MELTF: variants seen among roughly 807,000 people sequenced by gnomAD.
The protein encoded by MELTF is antigen p97 (melanoma associated) identified by monoclonal antibodies 133.2 and 96.5.
In MELTF, 67 loss-of-function variants were observed where a neutral mutation model predicts 83.7. That is an observed-to-expected ratio of 0.80 (90% CI 0.66 to 0.98). MELTF has a LOEUF of 0.98. Ranked by LOEUF, MELTF falls within the 50% of genes least tolerant of loss-of-function variation. MELTF has a pLI of 0.00. For synonymous variants in MELTF, 462 were observed against 447.6 expected, an observed-to-expected ratio of 1.03 and a Z score of -0.41; for missense variants, 1,002 against 1,035.6, an observed-to-expected ratio of 0.97 and a Z score of 0.44.
In MELTF at chr3:197,016,422, C is replaced by G. The variant is rs970671984; in HGVS notation, c.901-53G>C. ...TGGTGAGGGTGCTGACAGGCCATAT[C>G]CTTCCCTCCCACTTTGGCCCCTACC... On this transcript the variant is annotated intron_variant, in intron 7 of 15. Transcript: ENST00000296350. 5 of 1,411,044 alleles carry G rather than the reference C, an allele frequency of 3.5e-6. No homozygotes were observed. The African/African-American group carries it at 5.9e-5, about 17-fold the overall frequency. The allele number at this position is 1,411,044 out of a possible 1,614,324, so 87.4% of individuals were successfully genotyped here.
In MELTF at chr3:197,029,693, G is replaced by T; in HGVS notation, c.10C>A (p.Pro4Thr). ...AGGAGCAGCCACAGAGCCCCGCTCG[G>T]ACCCCGCATGGCGCCGTCGGGGCTG... MRG[P>T]SGALWLLLAL... is the part of the protein sequence containing the mutation. Residue 4 changes from proline to threonine, a missense_variant, in exon 1 of 16, where the codon CCG becomes ACG. Physicochemically the swap from Pro to Thr is conservative, Grantham distance 38. Transcript: ENST00000296350. The surrounding 1 kb of genome is among the most constrained non-coding windows in gnomAD (Gnocchi z 6.5). 1 of 1,243,010 alleles carries T rather than the reference G, an allele frequency of 8.0e-7. No homozygotes were observed. Among genetic ancestry groups the T allele is most frequent in the South Asian group, 3.9e-5 (1 of 25,964 alleles). 77.0% of individuals were successfully genotyped at this position (1,243,010 alleles called of 1,614,324 possible). A position where few individuals can be genotyped will look rare whatever the true frequency, so the allele number is the denominator to read the frequency against.
intron 6 of MELTF, chr3:197,019,355 C>A: frequency 8.4e-7 from 1 of 1,190,032 alleles, no homozygotes; most frequent in Non-Finnish European, 1.0e-6. Context: ...CTGCTTTAGA[C>A]ATTTATGCCA....
At chr3:197,026,516 C>A in intron 3 of MELTF, 144 bp downstream of exon 3, 1 of 690,308 alleles carries the variant, frequency 1.4e-6, no homozygotes, top group Non-Finnish European at 2.6e-6. Context: ...TTTGAGAGAG[C>A]CTTAGGGCGT....
chr3:197,017,579 AG>A (rs563479347), intron 6 of MELTF, among the ~76,000 whole-genome samples: 85 of 152,374 alleles, frequency 5.6e-4, no homozygotes, highest in Admixed American at 2.0e-3. Flanking sequence ...AAAAAAAGTA[AG>A]AAAATAAGAA....
At chr3:197,021,570 T>A (rs760258627) in intron 5 of MELTF, 99 bp from the exon 6 acceptor site, 4 of 1,070,124 alleles carry the variant, frequency 3.7e-6, no homozygotes, top group Non-Finnish European at 5.6e-6. Flanking sequence ...GTGGCCATGA[T>A]GGGCATGGGC....
At chr3:197,027,718 G>A in intron 2 of MELTF, 38 bp downstream of exon 2, 1 of 1,582,740 alleles carries the variant, frequency 6.3e-7, no homozygotes, top group Non-Finnish European at 8.6e-7. Flanking sequence ...CTGAGTCACA[G>A]CCCTCTTGTC....
At position 197,026,671 on chromosome 3, in the gene MELTF, A is replaced by G. The variant is rs761964099; in HGVS notation, c.293T>C (p.Val98Ala). 1.7e-5 allele frequency: 27 copies of G among 1,613,056 alleles called. No individual in the cohort carries two copies. Among genetic ancestry groups the G allele is most frequent in the Non-Finnish European group, 2.2e-5 (26 of 1,179,920 alleles). Residue 98 changes from valine to alanine, a missense_variant, in exon 3 of 16, where the codon GTG (valine) becomes GCG (alanine). Physicochemically the swap from Val to Ala is moderately conservative, Grantham distance 64. Transcript: ENST00000296350. ...CTGCACCCTCTTACCTTGATCGTACACTTCGCCCACCACCGGCTTCAGGCC... is the reference window on the plus strand; with the variant it reads ...CTGCACCCTCTTACCTTGATCGTACGCTTCGCCCACCACCGGCTTCAGGCC... ...EHGLKPVVGE[V>A]YDQEVGTSYY...
At chr3:197,009,061 G>A (rs767791233) in intron 11 of MELTF, 96 bp from the exon 12 acceptor site, 206 of 1,450,902 alleles carry the variant, frequency 1.4e-4, no homozygotes, top group Non-Finnish European at 1.8e-4. Context: ...CCCACCCCCC[G>A]GATCCTACAC....
In MELTF at chr3:197,003,906, C is replaced by T. The variant is rs775782894; in HGVS notation, c.2132G>A (p.Gly711Asp). The T allele has an allele frequency of 2.5e-6, 4 of 1,613,274 alleles. No homozygotes were observed. The African/African-American group carries it at 5.3e-5, about 22-fold the overall frequency. ...LEGMSSQQCS[G>D]AAAPAPGAPL... ...GCAGGGCGGGCCTGTCCTACCTGCG[C>T]CCGAGCACTGCTGAGACGACATCCC... Residue 711 changes from glycine (G) to aspartate (D), a missense_variant, in exon 15 of 16, where the codon GGC becomes GAC. By Grantham distance (94) the Gly-to-Asp change is moderately conservative (BLOSUM62 -1). Coordinates refer to ENST00000296350, the MANE Select transcript of MELTF (RefSeq NM_005929.6). This position sits in a 1 kb window ranked among gnomAD's most constrained non-coding sequence, Gnocchi z 6.2.
chr3:197,023,724 G>A (rs564362563), intron 4 of MELTF: 3 of 357,756 alleles, frequency 8.4e-6, no homozygotes, highest in African/African-American at 6.5e-5. Flanking sequence ...CCTCTTCCTG[G>A]TTTTTTTTTT....
Position 197,006,708 on chromosome 3 carries a change from C to T in MELTF, c.1779G>A (p.Glu593=). The part of the protein sequence containing the change: ...NGHNSEPWAA[E]LRSEDYELLC... ...GCAGTTCATAGTCCTCTGACCTGAGCTCAGCAGCCCAGGGCTCGGAATTGT... is the reference window on the plus strand; with the variant it reads ...GCAGTTCATAGTCCTCTGACCTGAGTTCAGCAGCCCAGGGCTCGGAATTGT... Residue 593 remains glutamate, a synonymous_variant, in exon 14 of 16, where the codon GAG becomes GAA. Coordinates refer to ENST00000296350, the MANE Select transcript of MELTF (RefSeq NM_005929.6). This position sits in a 1 kb window ranked among gnomAD's most constrained non-coding sequence, Gnocchi z 5.4. 2 of 1,554,416 alleles carry T rather than the reference C, an allele frequency of 1.3e-6. No individual in the cohort carries two copies. Among genetic ancestry groups the T allele is most frequent in the African/African-American group, 1.4e-5 (1 of 72,596 alleles).
chr3:197,024,126 G>T lies in MELTF; in HGVS notation c.487+177C>A, dbSNP rs545897628. On this transcript the variant is annotated intron_variant, in intron 4 of 15. Coordinates refer to ENST00000296350, the MANE Select transcript of MELTF (RefSeq NM_005929.6). The surrounding 1 kb of genome is among the most constrained non-coding windows in gnomAD (Gnocchi z 5.3). ...CCAAGCAAGCAGGAAGTCAAGCGGC[G>T]GCGCCGGCGGCAGAGTGGAGGCGGG... is the stretch of plus-strand genomic sequence containing the variant. Among the ~76,000 whole-genome samples, 19 of 151,714 alleles carry T rather than the reference G, an allele frequency of 1.3e-4. No homozygotes were observed. Among genetic ancestry groups the T allele is most frequent in the African/African-American group, 4.4e-4 (18 of 41,344 alleles).
At chr3:197,017,665 CAG>C (rs1412853686) in intron 6 of MELTF, among the ~76,000 whole-genome samples, 1 of 152,148 alleles carries the variant, frequency 6.6e-6, no homozygotes, top group Non-Finnish European at 1.5e-5. Flanking sequence ...ATCACGAGGT[CAG>C]GAGATCAAGA....
chr3:197,017,702 C>A (rs144275909), intron 6 of MELTF, among the ~76,000 whole-genome samples: 1 of 151,966 alleles, frequency 6.6e-6, no homozygotes, highest in Non-Finnish European at 1.5e-5. Flanking sequence ...ACGGTGAAAC[C>A]CCATCTCTAC....
chr3:197,017,703 C>T (rs919019567), intron 6 of MELTF, among the ~76,000 whole-genome samples: 5 of 151,974 alleles, frequency 3.3e-5, no homozygotes, highest in Non-Finnish European at 2.9e-5. Flanking sequence ...CGGTGAAACC[C>T]CATCTCTACT....
rs753498150 is a variant in MELTF at position 197,023,119 on chromosome 3, G to C, written c.488-6C>G. 204 of 1,613,364 alleles carry C rather than the reference G, an allele frequency of 1.3e-4. No individual in the cohort carries two copies. Among genetic ancestry groups the C allele is most frequent in the Non-Finnish European group, 1.7e-4 (200 of 1,179,990 alleles). ...CCCAAAATAGTCGCTGACAGCTGTG[G>C]GAAGGAGGTAGAGAGGTCACTCAGC... On this transcript the variant is annotated splice_region_variant and splice_polypyrimidine_tract_variant and intron_variant, in intron 4 of 15. Transcript: ENST00000296350.
intron 2 of MELTF, 68 bp from the exon 3 acceptor site, chr3:197,026,827 T>A: frequency 6.9e-7 from 1 of 1,451,616 alleles, no homozygotes; most frequent in Non-Finnish European, 9.5e-7. Context: ...TCGGGACACC[T>A]ACCAGATGGC....
In MELTF at chr3:197,008,670, A is replaced by G. The variant is rs773540097; in HGVS notation, c.1737T>C (p.Phe579=). ...DVAFVRHTTV[F]DNTNGHNSEP... ...GCCCCCACCTACCGTTTGTGTTGTC[A>G]AAGACGGTTGTGTGCCTGACGAAGG... Residue 579 remains phenylalanine, a synonymous_variant, in exon 13 of 16, where the codon TTT becomes TTC. Transcript: ENST00000296350. This position sits in a 1 kb window ranked among gnomAD's most constrained non-coding sequence, Gnocchi z 5.4. 6.2e-7 allele frequency: 1 copy of G among 1,613,812 alleles called. No individual in the cohort carries two copies. Among genetic ancestry groups the G allele is most frequent in the African/African-American group, 1.3e-5 (1 of 74,834 alleles).
chr3:197,018,882 G>A (rs1214725285), intron 6 of MELTF: 2 of 955,562 alleles, frequency 2.1e-6, no homozygotes, highest in African/African-American at 3.5e-5. Context: ...AAATTTGCAA[G>A]AGTAACTATT....
Sources: allele counts gnomAD v4.1 joint callset (sites outside exome capture counted in the v4.1 genomes callset), GRCh38; gene constraint gnomAD v4.1.1; non-coding constraint Gnocchi (gnomAD v3.1); transcripts MANE v1.5; gene names NCBI Gene and HGNC (gene_info 2026-07-23, HGNC 2026-07-21).